Variants in ENTREP1 observed in about 807,000 individuals in gnomAD.
ENTREP1 encodes Friedreich ataxia region gene X123.
the ENTREP1 span, among the ~76,000 whole-genome samples, chr9:69,332,146 C>T: frequency 1.3e-5 from 2 of 152,196 alleles, no homozygotes; most frequent in Non-Finnish European, 2.9e-5. Flanking sequence ...CCATCCAGGC[C>T]TACTTCCTCT....
chr9:69,329,022 T>G, the ENTREP1 span, among the ~76,000 whole-genome samples: 4 of 152,226 alleles, frequency 2.6e-5, no homozygotes, highest in African/African-American at 9.6e-5. Context: ...TCAAGCTTCA[T>G]CCATGCTGCG....
the ENTREP1 span, chr9:69,377,810 C>G: frequency 6.8e-7 from 1 of 1,470,882 alleles, no homozygotes. Context: ...TGAAGTGTCT[C>G]CAGAACTCAC....
chr9:69,329,013 C>G, the ENTREP1 span, among the ~76,000 whole-genome samples: 1 of 151,998 alleles, frequency 6.6e-6, no homozygotes, highest in Non-Finnish European at 1.5e-5. Context: ...AGCATGTTTT[C>G]AAGCTTCATC....
the ENTREP1 span, among the ~76,000 whole-genome samples, chr9:69,359,172 C>T: frequency 8.5e-5 from 13 of 152,114 alleles, no homozygotes; most frequent in African/African-American, 3.1e-4. Context: ...TCCTAAAGTG[C>T]TGGGATTACA....
At chr9:69,378,016 C>G in the ENTREP1 span, among the ~76,000 whole-genome samples, 1 of 152,004 alleles carries the variant, frequency 6.6e-6, no homozygotes, top group African/African-American at 2.4e-5. Context: ...CTCTCTGTCT[C>G]TCTCTCTCTG....
At chr9:69,341,962 AAT>A in the ENTREP1 span, among the ~76,000 whole-genome samples, 1 of 152,108 alleles carries the variant, frequency 6.6e-6, no homozygotes, top group Non-Finnish European at 1.5e-5. Context: ...AGATCAGAAT[AAT>A]ATTTTAAGAT....
chr9:69,352,875 C>A, the ENTREP1 span, among the ~76,000 whole-genome samples: 1 of 152,178 alleles, frequency 6.6e-6, no homozygotes, highest in African/African-American at 2.4e-5. Context: ...GTGGCCCATG[C>A]TTGTAATCCT....
At chr9:69,388,493 T>G in the ENTREP1 span, 1 of 1,453,930 alleles carries the variant, frequency 6.9e-7, no homozygotes. Flanking sequence ...GATGACTCAT[T>G]TTCATAGCAG....
At chr9:69,388,259 T>C in the ENTREP1 span, 1 of 1,614,176 alleles carries the variant, frequency 6.2e-7, no homozygotes, top group Non-Finnish European at 8.5e-7. Context: ...AGCTTCGCGA[T>C]GCAGACCGCG....
At chr9:69,340,762 C>CATGTGTGTGTGT in the ENTREP1 span, among the ~76,000 whole-genome samples, 1 of 3,958 alleles carries the variant, frequency 2.5e-4, no homozygotes, top group Non-Finnish European at 5.6e-4. Context: ...TGTGTGCGTG[C>CATGTGTGTGTGT]ATGTGTGTGT....
At chr9:69,353,947 T>C in the ENTREP1 span, among the ~76,000 whole-genome samples, 2 of 152,190 alleles carry the variant, frequency 1.3e-5, no homozygotes, top group Non-Finnish European at 2.9e-5. Context: ...ATGTACCCAT[T>C]GCCCAGCTAC....
At chr9:69,389,737 G>T in the ENTREP1 span, among the ~76,000 whole-genome samples, 1 of 152,214 alleles carries the variant, frequency 6.6e-6, no homozygotes. Flanking sequence ...ACCAGGTAGT[G>T]GGCCTGGACC....
chr9:69,364,649 C>T, the ENTREP1 span, among the ~76,000 whole-genome samples: 18 of 151,930 alleles, frequency 1.2e-4, no homozygotes, highest in Non-Finnish European at 2.6e-4. Context: ...TTTATGACTC[C>T]AATATTTTGT....
chr9:69,383,674 C>T, the ENTREP1 span: 1 of 1,614,122 alleles, frequency 6.2e-7, no homozygotes, highest in Non-Finnish European at 8.5e-7. Context: ...ATCTACGGAG[C>T]TCGAATCAAA....
the ENTREP1 span, among the ~76,000 whole-genome samples, chr9:69,339,011 G>C: frequency 6.6e-6 from 1 of 152,066 alleles, no homozygotes. Context: ...GAAATCCGCA[G>C]TTCATATGTA....
the ENTREP1 span, chr9:69,382,663 T>C: frequency 6.6e-6 from 1 of 152,214 alleles, no homozygotes; most frequent in African/African-American, 2.4e-5. Context: ...AGAAAGAAGA[T>C]GATATCCTTT....
At chr9:69,391,946 G>A in the ENTREP1 span, 1 of 782,046 alleles carries the variant, frequency 1.3e-6, no homozygotes, top group Non-Finnish European at 2.1e-6. Context: ...CGTGTCTGCT[G>A]ACTGAGGGCA....
the ENTREP1 span, chr9:69,388,229 A>T: frequency 1.2e-6 from 2 of 1,614,064 alleles, no homozygotes; most frequent in Admixed American, 3.3e-5. Context: ...AGTGACTCTG[A>T]GGAGAGGCTT....
chr9:69,361,235 C>G, the ENTREP1 span, among the ~76,000 whole-genome samples: 9 of 152,164 alleles, frequency 5.9e-5, no homozygotes, highest in African/African-American at 2.2e-4. Context: ...GATCAAGATA[C>G]AGAAATTTTC....
Sources: gnomAD v4.1 joint callset for allele counts (sites outside exome capture counted in the v4.1 genomes callset) on GRCh38, gnomAD v4.1.1 for gene constraint, MANE v1.5 for transcripts, NCBI Gene and HGNC (gene_info 2026-07-23, HGNC 2026-07-21) for gene names.